NEO1: variants seen among roughly 807,000 people sequenced by gnomAD.
NEO1 encodes the protein neogenin.
Under a neutral mutation model 159.7 loss-of-function variants are expected in NEO1, and 63 were observed. The observed-to-expected ratio is 0.39, with a 90% CI of 0.32 to 0.49. The LOEUF is 0.49. Among genes scored for constraint, NEO1 ranks in the 20% least tolerant of loss-of-function variants. The pLI, the probability that NEO1 is intolerant of heterozygous loss-of-function variation, is 0.85. For missense variants in NEO1, 1,615 were observed against 1,831.0 expected (o/e 0.88, Z 2.15); for synonymous variants, 633 against 662.0 (o/e 0.96, Z 0.67).
At chr15:73,150,239 T>A (rs1350446395) in intron 5 of NEO1, among the ~76,000 whole-genome samples, 4 of 152,256 alleles carry the variant, frequency 2.6e-5, no homozygotes, top group Non-Finnish European at 5.9e-5. Flanking sequence ...CCATCCTTTT[T>A]AAATCATGTT....
chr15:73,122,977 C>T (rs1238184247), intron 3 of NEO1, among the ~76,000 whole-genome samples, 177 bp downstream of exon 3: 2 of 151,932 alleles, frequency 1.3e-5, no homozygotes, highest in Admixed American at 6.6e-5. Context: ...GCCAACATGG[C>T]GAAACCCCAT....
At chr15:73,088,931 G>A (rs531681705) in intron 1 of NEO1, among the ~76,000 whole-genome samples, 1 of 152,230 alleles carries the variant, frequency 6.6e-6, no homozygotes, top group Non-Finnish European at 1.5e-5. Context: ...GAGTAAGGAA[G>A]GAAAAGTGTT....
At chr15:73,154,136 G>A (rs1270444135) in intron 5 of NEO1, among the ~76,000 whole-genome samples, 1 of 151,704 alleles carries the variant, frequency 6.6e-6, no homozygotes, top group East Asian at 1.9e-4. Context: ...ATTTCCCTAA[G>A]ATTACAAAAC....
intron 4 of NEO1, among the ~76,000 whole-genome samples, chr15:73,127,952 A>G (rs1245727707): frequency 6.6e-6 from 1 of 152,204 alleles, no homozygotes; most frequent in Non-Finnish European, 1.5e-5. Context: ...ATCAAAAGTG[A>G]ACAGACAATT....
intron 28 of NEO1, among the ~76,000 whole-genome samples, chr15:73,301,775 C>T: frequency 6.6e-6 from 1 of 152,036 alleles, no homozygotes; most frequent in East Asian, 1.9e-4. Context: ...TCAAGGGATT[C>T]TCCTGCCTCA....
chr15:73,295,807 G>A (rs1332442326), intron 26 of NEO1, among the ~76,000 whole-genome samples: 3 of 152,172 alleles, frequency 2.0e-5, no homozygotes, highest in Non-Finnish European at 2.9e-5. Flanking sequence ...TCTGCTCTAA[G>A]GAGCATTCAC....
intron 1 of NEO1, among the ~76,000 whole-genome samples, chr15:73,091,062 G>T (rs2069662045): frequency 6.6e-6 from 1 of 152,158 alleles, no homozygotes; most frequent in Admixed American, 6.5e-5. Flanking sequence ...TTGAACTCAG[G>T]CAGCCTGACT....
chr15:73,226,694 G>T (rs542583023), intron 7 of NEO1, among the ~76,000 whole-genome samples: 1 of 152,118 alleles, frequency 6.6e-6, no homozygotes, highest in Non-Finnish European at 1.5e-5. Context: ...ATCTGACTCC[G>T]TTCTGAATAA....
intron 5 of NEO1, among the ~76,000 whole-genome samples, chr15:73,166,981 T>C (rs894890084): frequency 2.0e-5 from 3 of 151,850 alleles, no homozygotes; most frequent in East Asian, 1.9e-4. Context: ...TGTAGGGACA[T>C]GGATGAAGCT....
chr15:73,072,007 A>G (rs1485163844), intron 1 of NEO1, among the ~76,000 whole-genome samples: 2 of 152,050 alleles, frequency 1.3e-5, no homozygotes, highest in African/African-American at 4.8e-5. Context: ...CTGAAGTGCA[A>G]TGGGCCGATC....
intron 6 of NEO1, among the ~76,000 whole-genome samples, chr15:73,177,701 C>T (rs1306974901): frequency 6.6e-6 from 1 of 152,088 alleles, no homozygotes. Flanking sequence ...ACTACCATGA[C>T]CAGCCAATTT....
At chr15:73,131,987 T>C (rs1486729545) in intron 4 of NEO1, among the ~76,000 whole-genome samples, 2 of 152,240 alleles carry the variant, frequency 1.3e-5, no homozygotes, top group Admixed American at 6.5e-5. Context: ...AGATCTCAGC[T>C]TAAGGGTTAC....
intron 9 of NEO1, among the ~76,000 whole-genome samples, chr15:73,244,918 G>C (rs1419369497): frequency 1.7e-5 from 2 of 115,706 alleles, no homozygotes; most frequent in African/African-American, 6.9e-5. Context: ...TTGCACCACT[G>C]TACTCCAGTC....
At chr15:73,260,218 G>A in intron 14 of NEO1, 53 bp from the exon 15 acceptor site, 1 of 1,530,088 alleles carries the variant, frequency 6.5e-7, no homozygotes. Flanking sequence ...AGGATGGTGA[G>A]ATATTTTAAA....
chr15:73,216,328 A>G (rs888628652), intron 7 of NEO1, among the ~76,000 whole-genome samples: 1 of 152,070 alleles, frequency 6.6e-6, no homozygotes, highest in East Asian at 1.9e-4. Flanking sequence ...AATCCAGTCT[A>G]TCATTGTTGG....
intron 7 of NEO1, among the ~76,000 whole-genome samples, chr15:73,191,705 T>G (rs542512857): frequency 6.6e-6 from 1 of 152,064 alleles, no homozygotes; most frequent in Admixed American, 6.6e-5. Context: ...TTAGAAAATC[T>G]TCTTTATATG....
intron 1 of NEO1, among the ~76,000 whole-genome samples, chr15:73,103,523 T>G (rs971271731): frequency 1.4e-4 from 22 of 152,212 alleles, no homozygotes; most frequent in African/African-American, 5.3e-4. Context: ...CCGGTTAGAT[T>G]CTCTTCATGT....
chr15:73,222,453 T>C (rs8029106), intron 7 of NEO1, among the ~76,000 whole-genome samples: 66,363 of 151,698 alleles, frequency 0.44, 15,591 homozygotes, highest in Admixed American at 0.53. Context: ...TTGATCTATT[T>C]AGAGTATCTA....
At position 73,302,800 on chromosome 15, in the gene NEO1, C is replaced by A. The variant is rs949684924; in HGVS notation, c.*104C>A. ...AGTACGAGAGGACAGCACTTGAGAA[C>A]ACAGAATGAGCCAGCAGACTGGCCA... On this transcript the variant is annotated 3_prime_UTR_variant, in exon 29 of 29. Transcript: ENST00000261908. 2.8e-6 allele frequency: 3 copies of A among 1,080,062 alleles called. No homozygotes were observed. The highest frequency in any genetic ancestry group is 3.1e-5 in the African/African-American group (2 of 63,760). 66.9% of individuals were successfully genotyped at this position (1,080,062 alleles called of 1,614,324 possible).
Sources: gnomAD v4.1 joint callset for allele counts (sites outside exome capture counted in the v4.1 genomes callset) on GRCh38, gnomAD v4.1.1 for gene constraint, MANE v1.5 for transcripts, NCBI Gene and HGNC (gene_info 2026-07-23, HGNC 2026-07-21) for gene names.